Variants in CREB3L4 observed in about 807,000 individuals in gnomAD.
The protein encoded by CREB3L4 is cAMP responsive element binding protein 3 like 4.
A neutral mutation model predicts 37.0 loss-of-function variants in CREB3L4; 28 were observed. The ratio of observed to expected loss-of-function variants is 0.76; its 90% CI spans 0.56 to 1.04. The LOEUF (loss-of-function observed/expected upper bound fraction) is 1.04. Among genes scored for constraint, CREB3L4 ranks in the 50% least tolerant of loss-of-function variants. CREB3L4 has a pLI of 0.00. For missense variants in CREB3L4, 462 were observed against 486.0 expected, an observed-to-expected ratio of 0.95 and a Z score of 0.46; for synonymous variants, 175 against 192.2, an observed-to-expected ratio of 0.91 and a Z score of 0.74.
intron 4 of CREB3L4, among the ~76,000 whole-genome samples, chr1:153,972,360 T>C (rs1648457203): frequency 6.6e-6 from 1 of 152,220 alleles, no homozygotes; most frequent in African/African-American, 2.4e-5. Context: ...TGGAAGTTAA[T>C]GACTGAAAGT....
At chr1:153,968,796 C>T (rs1248436616) in intron 2 of CREB3L4, 97 bp downstream of exon 2, 5 of 1,533,514 alleles carry the variant, frequency 3.3e-6, no homozygotes, top group South Asian at 2.4e-5. Context: ...AAACAGACCA[C>T]CCCCAAAATA....
At chr1:153,967,668 GA>G (rs11288257), upstream of CREB3L4, 83,973 of 150,554 alleles carry the variant, frequency 0.56, 24,174 homozygotes, top group East Asian at 0.97. Flanking sequence ...TAAGAATAAA[GA>G]AAAAAAAAAG....
In CREB3L4 at chr1:153,974,026, T is replaced by C. The variant is rs752020718; in HGVS notation, c.1149T>C (p.Ser383=). Residue 383 remains serine (S), a synonymous_variant, in exon 10 of 10, where the codon AGT becomes AGC. Coordinates refer to ENST00000368607, the MANE Select transcript of CREB3L4 (RefSeq NM_001255978.2). The stretch of plus-strand genomic sequence containing the variant: ...AGATGGGAGGGAAGCCAAGACCCAG[T>C]GGGCGCATCCGGTCCGTGCTGCATG... The part of the protein sequence containing the change: ...LEKMGGKPRP[S]GRIRSVLHAD... 1 of 1,614,082 alleles carries C rather than the reference T, an allele frequency of 6.2e-7. No individual in the cohort carries two copies. Among genetic ancestry groups the C allele is most frequent in the Middle Eastern group, 1.7e-4 (1 of 6,040 alleles).
Position 153,968,523 on chromosome 1 carries a change from A to G in CREB3L4, c.-3A>G, listed in dbSNP as rs1441203347. 2 of 1,612,594 alleles carry G rather than the reference A, an allele frequency of 1.2e-6. No homozygotes were observed. The highest frequency in any genetic ancestry group is 8.5e-7 in the Non-Finnish European group (1 of 1,179,168). ...TCCGTCCCACACGCCTTCCTGCAGA[A>G]GCATGGATCTCGGAATCCCTGACCT... On this transcript the variant is annotated splice_region_variant and 5_prime_UTR_variant, in exon 2 of 10. Coordinates refer to ENST00000368607, the MANE Select transcript of CREB3L4 (RefSeq NM_001255978.2).
rs745983883 is a variant in CREB3L4, at chr1:153,973,056, T to C, written c.721T>C (p.Tyr241His). The C allele has an allele frequency of 7.4e-6, 12 of 1,613,510 alleles. 1 individual carries two copies. In the South Asian group the frequency reaches 1.3e-4, roughly 18 times the overall value. ...AQDSRRRKKE[Y>H]IDGLESRVAA... ...GGACAGTCGGCGGCGGAAGAAGGAGTACATTGATGGGCTGGAGAGCAGGTA... is the reference window on the plus strand; with the variant it reads ...GGACAGTCGGCGGCGGAAGAAGGAGCACATTGATGGGCTGGAGAGCAGGTA... Residue 241 changes from tyrosine (Y) to histidine (H), a missense_variant, in exon 6 of 10, where the codon TAC (tyrosine) becomes CAC (histidine). Coordinates refer to ENST00000368607, the MANE Select transcript of CREB3L4 (RefSeq NM_001255978.2).
chr1:153,968,682 G>A lies in CREB3L4; in HGVS notation c.157G>A (p.Gly53Ser). ...ACAGGGACTGCAAGGCTGGAAGTCC[G>A]GTGGGGACCGTGGCTGTGTGAGTGT... The part of the protein sequence containing the change: ...QEQGLQGWKS[G>S]GDRGCGLQES... Residue 53 changes from glycine (G) to serine (S), a missense_variant, in exon 2 of 10, where the codon GGT becomes AGT. Gly to Ser is a moderately conservative substitution (Grantham distance 56, BLOSUM62 0). Coordinates refer to ENST00000368607, the MANE Select transcript of CREB3L4 (RefSeq NM_001255978.2). 3 of 1,613,998 alleles carry A rather than the reference G, an allele frequency of 1.9e-6. No homozygotes were observed. Among genetic ancestry groups the A allele is most frequent in the Non-Finnish European group, 2.5e-6 (3 of 1,180,016 alleles).
In CREB3L4 at chr1:153,973,613, C is replaced by A; in HGVS notation, c.898-7C>A. 1 of 1,610,534 alleles carries A rather than the reference C, an allele frequency of 6.2e-7. No homozygotes were observed. Among genetic ancestry groups the A allele is most frequent in the East Asian group, 2.2e-5 (1 of 44,858 alleles). ...TCCCTTCATCTGTTCCTCTTGCTTC[C>A]TCCCAGATTCTTCTTTTTTCCCTGG... On this transcript the variant is annotated splice_polypyrimidine_tract_variant and splice_region_variant and intron_variant, in intron 8 of 9. Coordinates refer to ENST00000368607, the MANE Select transcript of CREB3L4 (RefSeq NM_001255978.2).
rs1648695012 is a variant in CREB3L4 at position 153,974,243 on chromosome 1, CAT to C, written c.*183_*184del. 3.5e-6 allele frequency: 2 copies of C among 571,386 alleles called. No individual in the cohort carries two copies. Among genetic ancestry groups the C allele is most frequent in the African/African-American group, 3.7e-5 (2 of 53,750 alleles). 35.4% of individuals were successfully genotyped at this position (571,386 alleles called of 1,614,324 possible). Reference sequence around the variant, plus strand: ...CTGAGGCCTAGTCTGCATTTGTTTGCATATATGAGAGGGTACCTCAAATACTT... The same window carrying C: ...CTGAGGCCTAGTCTGCATTTGTTTGCATATGAGAGGGTACCTCAAATACTT... On this transcript the variant is annotated 3_prime_UTR_variant, in exon 10 of 10. Transcript: ENST00000368607.
At chr1:153,968,323 G>T in intron 1 of CREB3L4, 159 bp downstream of exon 1, 1 of 557,022 alleles carries the variant, frequency 1.8e-6, no homozygotes, top group Non-Finnish European at 3.2e-6. Flanking sequence ...AATGCTTGGG[G>T]GGGGCCTCTT....
At chr1:153,968,460 G>A (rs1294537061) in intron 1 of CREB3L4, 62 bp from the exon 2 acceptor site, 1 of 1,495,420 alleles carries the variant, frequency 6.7e-7, no homozygotes, top group Non-Finnish European at 9.2e-7. Context: ...AGAAACTGTA[G>A]GGGGTAGTAA....
chr1:153,970,302 T>G (rs755077139), intron 4 of CREB3L4, among the ~76,000 whole-genome samples: 2 of 151,932 alleles, frequency 1.3e-5, no homozygotes, highest in Admixed American at 6.6e-5. Flanking sequence ...AAAACTCAGT[T>G]AAGGTGGGGT....
chr1:153,968,619 T>G lies in CREB3L4; in HGVS notation c.94T>G (p.Cys32Gly). 1 of 1,613,972 alleles carries G rather than the reference T, an allele frequency of 6.2e-7. No homozygotes were observed. The highest frequency in any genetic ancestry group is 8.5e-7 in the Non-Finnish European group (1 of 1,179,962). Reference sequence around the variant, plus strand: ...ATCCGTCCTGGAGCTGGGACTCCACTGCCCCCCTCCAGAGGTTCCGGTAAC... The same window carrying G: ...ATCCGTCCTGGAGCTGGGACTCCACGGCCCCCCTCCAGAGGTTCCGGTAAC... ...TGSVLELGLH[C>G]PPPEVPVTRL... The change falls in exon 2 of 10, where the codon TGC becomes GGC. Residue 32 changes from cysteine to glycine, a missense_variant. Transcript: ENST00000368607.
chr1:153,971,940 A>C (rs978004487), intron 4 of CREB3L4, among the ~76,000 whole-genome samples: 1 of 152,100 alleles, frequency 6.6e-6, no homozygotes, highest in Admixed American at 6.5e-5. Context: ...CTCCTGCCTC[A>C]GCCTCCCAAG....
chr1:153,971,833 T>C (rs1648406092), intron 4 of CREB3L4, among the ~76,000 whole-genome samples: 1 of 152,116 alleles, frequency 6.6e-6, no homozygotes, highest in East Asian at 1.9e-4. Flanking sequence ...ACATCTTTTT[T>C]TTCTTTGAGA....
In CREB3L4 at chr1:153,972,989, C is replaced by T; in HGVS notation, c.654C>T (p.Leu218=). The change falls in exon 6 of 10, where the codon CTC becomes CTT. Residue 218 remains leucine (L), a synonymous_variant. Coordinates refer to ENST00000368607, the MANE Select transcript of CREB3L4 (RefSeq NM_001255978.2). ...CCTCCAAGGCAGAGGAGAGGGTCCT[C>T]AAGAAGGTCAGGAGGAAAATCCGTA... ...LPLTKAEERV[L]KKVRRKIRNK... 1.9e-6 allele frequency: 3 copies of T among 1,614,092 alleles called. No individual in the cohort carries two copies. Among genetic ancestry groups the T allele is most frequent in the Non-Finnish European group, 1.7e-6 (2 of 1,180,016 alleles).
chr1:153,973,132 A>G, intron 6 of CREB3L4, 54 bp downstream of exon 6: 1 of 1,609,232 alleles, frequency 6.2e-7, no homozygotes, highest in Non-Finnish European at 8.5e-7. Context: ...CCCCTTCCTC[A>G]CCATGGGAGG....
chr1:153,973,235 A>G lies in CREB3L4; in HGVS notation c.784A>G (p.Lys262Glu), dbSNP rs1648572134. The G allele has an allele frequency of 6.2e-7, 1 of 1,614,022 alleles. No homozygotes were observed. Among genetic ancestry groups the G allele is most frequent in the South Asian group, 1.1e-5 (1 of 91,056 alleles). The change falls in exon 7 of 10, where the codon AAA (lysine) becomes GAA (glutamate). Residue 262 changes from lysine (K) to glutamate (E), a missense_variant. Physicochemically the swap from Lys to Glu is moderately conservative, Grantham distance 56. Coordinates refer to ENST00000368607, the MANE Select transcript of CREB3L4 (RefSeq NM_001255978.2). ...TGCACAGAACCAAGAATTACAGAAAAAAGTCCAGGAGCTGGAGAGGCACAA... is the reference window on the plus strand; with the variant it reads ...TGCACAGAACCAAGAATTACAGAAAGAAGTCCAGGAGCTGGAGAGGCACAA... ...CSAQNQELQK[K>E]VQELERHNIS...
At chr1:153,970,338 G>A (rs932257342) in intron 4 of CREB3L4, among the ~76,000 whole-genome samples, 1 of 152,188 alleles carries the variant, frequency 6.6e-6, no homozygotes, top group Non-Finnish European at 1.5e-5. Context: ...CAGGGCTCAG[G>A]AGAAAGCCCA....
chr1:153,968,643 A>G lies in CREB3L4; in HGVS notation c.118A>G (p.Thr40Ala). ...LHCPPPEVPV[T>A]RLQEQGLQGW... The stretch of plus-strand genomic sequence containing the variant: ...CTGCCCCCCTCCAGAGGTTCCGGTA[A>G]CTAGGCTACAGGAACAGGGACTGCA... Residue 40 changes from threonine to alanine, a missense_variant, in exon 2 of 10, where the codon ACT becomes GCT. Thr to Ala is a moderately conservative substitution (Grantham distance 58). Transcript: ENST00000368607. 1 of 1,613,950 alleles carries G rather than the reference A, an allele frequency of 6.2e-7. No homozygotes were observed. The highest frequency in any genetic ancestry group is 8.5e-7 in the Non-Finnish European group (1 of 1,179,962).
Sources: allele counts gnomAD v4.1 joint callset (sites outside exome capture counted in the v4.1 genomes callset), GRCh38; gene constraint gnomAD v4.1.1; transcripts MANE v1.5; gene names NCBI Gene and HGNC (gene_info 2026-07-23, HGNC 2026-07-21).